Variants in CDH4 observed in about 807,000 individuals in gnomAD.
The protein encoded by CDH4 is cadherin-4.
Under a neutral mutation model 86.0 loss-of-function variants are expected in CDH4, and 33 were observed. The ratio of observed to expected loss-of-function variants is 0.38; its 90% CI spans 0.29 to 0.51. The LOEUF (loss-of-function observed/expected upper bound fraction) is 0.51. Ranked by LOEUF, CDH4 falls within the 20% of genes least tolerant of loss-of-function variation. The probability of loss-of-function intolerance (pLI) is 0.86; values close to 1 mark genes in which losing one functional copy is unlikely to be tolerated. For synonymous variants in CDH4, 555 were observed against 549.4 expected, an observed-to-expected ratio of 1.01 and a Z score of -0.14; for missense variants, 1,114 against 1,307.4, an observed-to-expected ratio of 0.85 and a Z score of 2.28.
intron 2 of CDH4, among the ~76,000 whole-genome samples, chr20:61,742,232 G>A (rs938392018): frequency 6.6e-6 from 1 of 152,180 alleles, no homozygotes; most frequent in Admixed American, 6.5e-5. Context: ...GGAGCCACCG[G>A]GGGGCTCTGG....
At chr20:61,820,388 C>T (rs747912838) in intron 4 of CDH4, among the ~76,000 whole-genome samples, 7 of 152,260 alleles carry the variant, frequency 4.6e-5, no homozygotes, top group East Asian at 3.8e-4. Context: ...GGGACAGCCA[C>T]GCAGCTGCGG....
In CDH4 at chr20:61,709,668, A is replaced by C. The variant is rs1393469568; in HGVS notation, c.170-33895A>C. 2.6e-5 allele frequency among the ~76,000 whole-genome samples: 4 copies of C among 152,048 alleles called. No individual in the cohort carries two copies. The highest frequency in any genetic ancestry group is 5.9e-5 in the Non-Finnish European group (4 of 68,016). Reference sequence around the variant, plus strand: ...GAGAAGGTAGCATGGTTTCCAGAGTAAAGGAGGGCAAATGGCACCCATAAA... The same window carrying C: ...GAGAAGGTAGCATGGTTTCCAGAGTCAAGGAGGGCAAATGGCACCCATAAA... On this transcript the variant is annotated intron_variant, in intron 2 of 15. Coordinates refer to ENST00000614565, the MANE Select transcript of CDH4 (RefSeq NM_001794.5). This position sits in a 1 kb window ranked among gnomAD's most constrained non-coding sequence, Gnocchi z 4.8.
chr20:61,806,908 T>G (rs189249809), intron 4 of CDH4, among the ~76,000 whole-genome samples: 142 of 152,266 alleles, frequency 9.3e-4, no homozygotes, highest in African/African-American at 3.3e-3. Context: ...CTGGAGGACC[T>G]GGGTAAGAGC....
chr20:61,499,338 T>G lies in CDH4; in HGVS notation c.170-244225T>G, dbSNP rs531359633. The G allele has an allele frequency of 2.5e-5, 18 of 720,520 alleles. No individual in the cohort carries two copies. In the East Asian group the frequency reaches 7.2e-4, roughly 29 times the overall value. The allele number at this position is 720,520 out of a possible 1,614,324, so 44.6% of individuals were successfully genotyped here. A position where few individuals can be genotyped will look rare whatever the true frequency, so the allele number is the denominator to read the frequency against. ...GTACTTTCATCCCCTATGCCTCAGT[T>G]TCGCCACCTAGAAGGATAGCAGTGC... On this transcript the variant is annotated intron_variant, in intron 2 of 15. Coordinates refer to ENST00000614565, the MANE Select transcript of CDH4 (RefSeq NM_001794.5).
chr20:61,923,074 G>A (rs541377133), intron 9 of CDH4, among the ~76,000 whole-genome samples: 155 of 152,324 alleles, frequency 1.0e-3, no homozygotes, highest in Non-Finnish European at 8.7e-4. Flanking sequence ...GGCCAACAAC[G>A]TCAGGAGCCT....
intron 2 of CDH4, among the ~76,000 whole-genome samples, chr20:61,538,929 G>T (rs944997797): frequency 1.3e-5 from 2 of 152,236 alleles, no homozygotes; most frequent in African/African-American, 4.8e-5. Flanking sequence ...GGGCACCGTG[G>T]CTTCCTGCCT....
At chr20:61,920,744 T>C (rs1210853963) in intron 9 of CDH4, among the ~76,000 whole-genome samples, 2 of 150,582 alleles carry the variant, frequency 1.3e-5, no homozygotes, top group Admixed American at 6.6e-5. Context: ...GGTGTGGTGA[T>C]TGCATGGAAG....
intron 4 of CDH4, among the ~76,000 whole-genome samples, chr20:61,832,823 T>C (rs1330290260): frequency 6.6e-6 from 1 of 152,114 alleles, no homozygotes; most frequent in Non-Finnish European, 1.5e-5. Flanking sequence ...TGCAAACTAG[T>C]TAGGGAAGCA....
chr20:61,482,054 GC>G (rs1227883104), intron 2 of CDH4, among the ~76,000 whole-genome samples: 1 of 152,114 alleles, frequency 6.6e-6, no homozygotes, highest in Non-Finnish European at 1.5e-5. Context: ...AGCAAAATGG[GC>G]CCTGTTGCTA....
intron 2 of CDH4, among the ~76,000 whole-genome samples, chr20:61,636,695 C>T (rs941297154): frequency 2.6e-5 from 4 of 152,200 alleles, no homozygotes; most frequent in African/African-American, 7.2e-5. Context: ...CTTCTCCCAG[C>T]GCCTGGAGGC....
At chr20:61,878,649 C>T (rs1183565382) in intron 7 of CDH4, among the ~76,000 whole-genome samples, 1 of 152,210 alleles carries the variant, frequency 6.6e-6, no homozygotes, top group Non-Finnish European at 1.5e-5. Context: ...CCCCTTGGGC[C>T]AGTCTCTGCA....
intron 7 of CDH4, among the ~76,000 whole-genome samples, chr20:61,880,632 A>G (rs1009917265): frequency 6.6e-6 from 1 of 152,188 alleles, no homozygotes; most frequent in Non-Finnish European, 1.5e-5. Context: ...AGCAGCCCCA[A>G]GAGGACCCCA....
chr20:61,821,693 T>TG (rs1028089690), intron 4 of CDH4, among the ~76,000 whole-genome samples: 7 of 152,246 alleles, frequency 4.6e-5, no homozygotes, highest in Non-Finnish European at 8.8e-5. Context: ...GAAAGACCCT[T>TG]GGGGGGGTCT....
chr20:61,498,355 A>C (rs2085677504), intron 2 of CDH4, among the ~76,000 whole-genome samples: 1 of 152,216 alleles, frequency 6.6e-6, no homozygotes, highest in Non-Finnish European at 1.5e-5. Flanking sequence ...AGATGACCAC[A>C]GTGTACACTG....
intron 4 of CDH4, among the ~76,000 whole-genome samples, chr20:61,781,169 G>A (rs920777828): frequency 6.6e-6 from 1 of 152,102 alleles, no homozygotes; most frequent in Non-Finnish European, 1.5e-5. Context: ...CACCCTCAGG[G>A]AAAGATAACA....
intron 4 of CDH4, among the ~76,000 whole-genome samples, chr20:61,778,241 C>T (rs1012114841): frequency 1.1e-4 from 16 of 152,232 alleles, no homozygotes; most frequent in African/African-American, 3.9e-4. Flanking sequence ...ATCACAGAGA[C>T]GGTGGTGAAT....
At chr20:61,904,801 A>G (rs751555058) in intron 8 of CDH4, among the ~76,000 whole-genome samples, 8 of 152,256 alleles carry the variant, frequency 5.3e-5, no homozygotes, top group Non-Finnish European at 7.3e-5. Flanking sequence ...TGGCCCCAGC[A>G]TAGGTGCCTT....
At chr20:61,372,982 A>AT (rs747104004) in intron 2 of CDH4, among the ~76,000 whole-genome samples, 321 of 152,014 alleles carry the variant, frequency 2.1e-3, no homozygotes, top group Non-Finnish European at 3.8e-3. Flanking sequence ...GATACTTCAG[A>AT]TTTTTTTTTC....
chr20:61,776,805 G>A (rs4925282), intron 4 of CDH4, among the ~76,000 whole-genome samples: 78,869 of 152,096 alleles, frequency 0.52, 20,718 homozygotes, highest in East Asian at 0.71. Flanking sequence ...AGTGGCATAC[G>A]TCAATCGTGC....
Sources: gnomAD v4.1 joint callset for allele counts (sites outside exome capture counted in the v4.1 genomes callset) on GRCh38, gnomAD v4.1.1 for gene constraint, Gnocchi (gnomAD v3.1) non-coding constraint, MANE v1.5 for transcripts, NCBI Gene and HGNC (gene_info 2026-07-23, HGNC 2026-07-21) for gene names.